Variants in PIKFYVE observed in about 807,000 individuals in gnomAD.
PIKFYVE encodes the protein 1-phosphatidylinositol 3-phosphate 5-kinase.
In PIKFYVE, 122 loss-of-function variants were observed where a neutral mutation model predicts 257.9. The observed-to-expected ratio is 0.47, with a 90% CI of 0.41 to 0.55. PIKFYVE has a LOEUF of 0.55. PIKFYVE is among the 20% of genes least tolerant of loss of function. The probability of loss-of-function intolerance (pLI) is 0.00; values close to 1 mark genes in which losing one functional copy is unlikely to be tolerated. For synonymous variants in PIKFYVE, 892 were observed against 868.9 expected, an observed-to-expected ratio of 1.03 and a Z score of -0.47; for missense variants, 2,160 against 2,536.6, an observed-to-expected ratio of 0.85 and a Z score of 3.19.
intron 4 of PIKFYVE, among the ~76,000 whole-genome samples, chr2:208,277,094 C>T (rs560499878): frequency 1.3e-5 from 2 of 152,228 alleles, no homozygotes; most frequent in Admixed American, 1.3e-4. Context: ...ATGGTTTCTT[C>T]AAGAAGCTTT....
intron 38 of PIKFYVE, 75 bp downstream of exon 38, chr2:208,351,530 A>C (rs547522321): frequency 8.4e-7 from 1 of 1,193,498 alleles, no homozygotes; most frequent in African/African-American, 1.5e-5. Context: ...CTGTTAGTCT[A>C]TTCTTGTGTT....
At chr2:208,312,397 A>T in intron 13 of PIKFYVE, 102 bp downstream of exon 13, 1 of 863,200 alleles carries the variant, frequency 1.2e-6, no homozygotes, top group South Asian at 1.5e-5. Flanking sequence ...TGCTGAAAAT[A>T]TATTTGATTA....
intron 10 of PIKFYVE, among the ~76,000 whole-genome samples, chr2:208,303,585 C>T (rs1006354280): frequency 1.3e-5 from 2 of 152,060 alleles, no homozygotes; most frequent in East Asian, 1.9e-4. Flanking sequence ...ATCCTCGTTT[C>T]GTGTTGAGTG....
intron 9 of PIKFYVE, among the ~76,000 whole-genome samples, chr2:208,301,314 T>C (rs929369137): frequency 5.9e-5 from 9 of 152,084 alleles, no homozygotes; most frequent in African/African-American, 1.9e-4. Context: ...AGGATCTTAA[T>C]TTACCTTATT....
At chr2:208,339,669 A>G (rs1009696763) in intron 30 of PIKFYVE, 114 bp downstream of exon 30, 14 of 1,351,734 alleles carry the variant, frequency 1.0e-5, no homozygotes, top group Non-Finnish European at 1.0e-5. Flanking sequence ...CTTCATAATA[A>G]CAGATTCATG....
At position 208,335,855 on chromosome 2, in the gene PIKFYVE, G is replaced by A. The variant is rs561691889; in HGVS notation, c.4319G>A (p.Ser1440Asn). Residue 1440 changes from serine to asparagine, a missense_variant, in exon 26 of 42, where the codon AGT (serine) becomes AAT (asparagine). By Grantham distance (46) the Ser-to-Asn change is conservative (BLOSUM62 1). Around this residue, in one of 12 missense-constraint regions of PIKFYVE, gnomAD observed 699 missense variants for 855.8 expected, o/e 0.82. Transcript: ENST00000264380. ...RLASLKTDTFSKTREEKMEDI... is the reference protein window; with the variant it reads ...RLASLKTDTFNKTREEKMEDI... ...GCATCTTTGAAAACTGATACATTTA[G>A]TAAAACAAGAGAGGAAAAAATGGAA... 6.2e-7 allele frequency: 1 copy of A among 1,612,864 alleles called. No individual in the cohort carries two copies. The highest frequency in any genetic ancestry group is 8.5e-7 in the Non-Finnish European group (1 of 1,179,302).
chr2:208,345,318 T>C (rs1222190867), intron 33 of PIKFYVE, 124 bp downstream of exon 33: 2 of 820,114 alleles, frequency 2.4e-6, no homozygotes, highest in Non-Finnish European at 4.0e-6. Context: ...ATAGTGGCAC[T>C]CATATTTCAG....
intron 12 of PIKFYVE, among the ~76,000 whole-genome samples, chr2:208,310,323 A>G (rs1694809702): frequency 6.6e-6 from 1 of 152,156 alleles, no homozygotes; most frequent in African/African-American, 2.4e-5. Context: ...ATTGTCCTAT[A>G]TTGTTTCAGG....
chr2:208,312,994 C>T (rs1027763225), intron 13 of PIKFYVE, among the ~76,000 whole-genome samples: 9 of 152,200 alleles, frequency 5.9e-5, no homozygotes, highest in Non-Finnish European at 1.3e-4. Flanking sequence ...AATTCATCTC[C>T]AAGCATCTGG....
chr2:208,277,467 G>C lies in PIKFYVE; in HGVS notation c.442-70G>C, dbSNP rs1317610657. ...GTTTTCTGCAAAAGAAACCTTTGAGGATTTCATTTGCCATTGCATATTAAT... is the reference window on the plus strand; with the variant it reads ...GTTTTCTGCAAAAGAAACCTTTGAGCATTTCATTTGCCATTGCATATTAAT... On this transcript the variant is annotated intron_variant, in intron 4 of 41. Coordinates refer to ENST00000264380, the MANE Select transcript of PIKFYVE (RefSeq NM_015040.4). The C allele has an allele frequency of 1.8e-5, 27 of 1,529,186 alleles. No homozygotes were observed. The East Asian group carries it at 2.5e-4, about 14-fold the overall frequency. 94.7% of individuals were successfully genotyped at this position (1,529,186 alleles called of 1,614,324 possible).
At position 208,271,496 on chromosome 2, in the gene PIKFYVE, T is replaced by G; in HGVS notation, c.-9-15T>G. The G allele has an allele frequency of 6.2e-7, 1 of 1,613,764 alleles. No homozygotes were observed. Among genetic ancestry groups the G allele is most frequent in the Non-Finnish European group, 8.5e-7 (1 of 1,179,678 alleles). On this transcript the variant is annotated splice_polypyrimidine_tract_variant and intron_variant, in intron 1 of 41. Coordinates refer to ENST00000264380, the MANE Select transcript of PIKFYVE (RefSeq NM_015040.4). ...TGAGGAATTTAGATTTTTGCTTGTT[T>G]CTTTTGTTTTTCAGACTCATGAAAT...
At chr2:208,330,934 T>C (rs1453450809) in intron 23 of PIKFYVE, among the ~76,000 whole-genome samples, 1 of 152,152 alleles carries the variant, frequency 6.6e-6, no homozygotes, top group Non-Finnish European at 1.5e-5. Flanking sequence ...TACAGTAAAG[T>C]ATCTTGAGGT....
chr2:208,333,298 T>C lies in PIKFYVE; in HGVS notation c.3964-17T>C, dbSNP rs1202978235. On this transcript the variant is annotated splice_polypyrimidine_tract_variant and intron_variant, in intron 23 of 41. Coordinates refer to ENST00000264380, the MANE Select transcript of PIKFYVE (RefSeq NM_015040.4). Reference sequence around the variant, plus strand: ...TCTCAATATGTGATTAGGTAAACTATTTTTGCTGAATTCCAGGTAACACCA... The same window carrying C: ...TCTCAATATGTGATTAGGTAAACTACTTTTGCTGAATTCCAGGTAACACCA... 2 of 1,612,666 alleles carry C rather than the reference T, an allele frequency of 1.2e-6. No homozygotes were observed.
intron 33 of PIKFYVE, among the ~76,000 whole-genome samples, chr2:208,345,496 A>AT (rs1440222813): frequency 1.3e-5 from 2 of 152,136 alleles, no homozygotes; most frequent in Non-Finnish European, 2.9e-5. Context: ...AACTTGTAAA[A>AT]TTGGTAAGCT....
chr2:208,320,655 A>C (rs924630456), intron 17 of PIKFYVE, among the ~76,000 whole-genome samples: 7 of 152,202 alleles, frequency 4.6e-5, no homozygotes, highest in Admixed American at 3.9e-4. Context: ...TTCTAATGGA[A>C]TCTCTGGTTT....
At chr2:208,345,283 C>A in intron 33 of PIKFYVE, 89 bp downstream of exon 33, 1 of 1,122,688 alleles carries the variant, frequency 8.9e-7, no homozygotes, top group Non-Finnish European at 1.3e-6. Context: ...CAGCATTTAT[C>A]ATCATAAAAA....
chr2:208,315,422 C>A, intron 15 of PIKFYVE, 49 bp downstream of exon 15: 4 of 1,599,260 alleles, frequency 2.5e-6, no homozygotes, highest in Non-Finnish European at 3.4e-6. Flanking sequence ...TGAGGCAGGA[C>A]TGATTGTAAT....
intron 12 of PIKFYVE, among the ~76,000 whole-genome samples, chr2:208,307,103 A>G (rs1574545344): frequency 1.3e-5 from 2 of 152,162 alleles, no homozygotes; most frequent in African/African-American, 2.4e-5. Flanking sequence ...AAGATTATCT[A>G]TCAAAGTTGT....
intron 31 of PIKFYVE, among the ~76,000 whole-genome samples, chr2:208,342,312 A>G (rs1371169670): frequency 1.3e-5 from 2 of 152,126 alleles, no homozygotes; most frequent in African/African-American, 4.8e-5. Flanking sequence ...TCTTTTTGAG[A>G]TTAGTGTGGC....
Sources: gnomAD v4.1 joint callset for allele counts (sites outside exome capture counted in the v4.1 genomes callset) on GRCh38, gnomAD v4.1.1 for gene constraint, gnomAD v4.1.1 regional missense constraint, MANE v1.5 for transcripts, NCBI Gene and HGNC (gene_info 2026-07-23, HGNC 2026-07-21) for gene names.